FAM168A: variants seen among roughly 807,000 people sequenced by gnomAD.
The protein encoded by FAM168A is family with sequence similarity 168 member A.
Under a neutral mutation model 28.5 loss-of-function variants are expected in FAM168A, and 3 were observed. The observed-to-expected ratio is 0.11, with a 90% CI of 0.05 to 0.27. The LOEUF (loss-of-function observed/expected upper bound fraction) is 0.27. Ranked by LOEUF, FAM168A falls within the 10% of genes least tolerant of loss-of-function variation. The pLI, the probability that FAM168A is intolerant of heterozygous loss-of-function variation, is 1.00. For synonymous variants in FAM168A, 122 were observed against 124.2 expected, an observed-to-expected ratio of 0.98 and a Z score of 0.12; for missense variants, 222 against 311.5, an observed-to-expected ratio of 0.71 and a Z score of 2.16.
chr11:73,502,572 G>A (rs1855029677), intron 1 of FAM168A, among the ~76,000 whole-genome samples: 1 of 152,172 alleles, frequency 6.6e-6, no homozygotes, highest in African/African-American at 2.4e-5. Context: ...AGTACAAAGA[G>A]GAGCTGGTAC....
rs537667120 is a variant in FAM168A, at chr11:73,408,719, T to C, written c.595+768A>G. Among the ~76,000 whole-genome samples the C allele has an allele frequency of 7.4e-5, 11 of 148,608 alleles. No individual in the cohort carries two copies. The South Asian group carries it at 2.3e-3, about 31-fold the overall frequency. ...CACTTGAGCCCAAGCAGATCAAGAC[T>C]GCAGTAGGCCAAGATCGTGCCACTG... On this transcript the variant is annotated intron_variant, in intron 6 of 7. Transcript: ENST00000356467.
chr11:73,465,910 T>C (rs1192596908), intron 2 of FAM168A, among the ~76,000 whole-genome samples: 1 of 152,020 alleles, frequency 6.6e-6, no homozygotes, highest in Admixed American at 6.6e-5. Context: ...TTCTGTAAAA[T>C]ACTGAGCTCA....
intron 4 of FAM168A, among the ~76,000 whole-genome samples, chr11:73,415,327 T>C (rs1234795615): frequency 6.6e-6 from 1 of 152,176 alleles, no homozygotes; most frequent in African/African-American, 2.4e-5. Flanking sequence ...GATGAGATAA[T>C]GAGTAGTTGC....
intron 1 of FAM168A, among the ~76,000 whole-genome samples, chr11:73,476,881 G>A (rs1054219599): frequency 2.6e-5 from 4 of 151,906 alleles, no homozygotes; most frequent in African/African-American, 9.7e-5. Context: ...AGCAATAGAA[G>A]TTATACAATC....
intron 1 of FAM168A, among the ~76,000 whole-genome samples, chr11:73,565,416 T>C (rs1395209873): frequency 2.0e-5 from 3 of 152,200 alleles, no homozygotes; most frequent in African/African-American, 7.2e-5. Context: ...TTTATGCTCA[T>C]TGAGACAGGA....
chr11:73,425,089 T>A, intron 3 of FAM168A: 1 of 1,467,462 alleles, frequency 6.8e-7, no homozygotes. Context: ...CACTAAGAAT[T>A]TGTGCAAAGT....
intron 1 of FAM168A, among the ~76,000 whole-genome samples, chr11:73,596,731 T>C (rs1476222138): frequency 6.6e-6 from 1 of 151,798 alleles, no homozygotes; most frequent in Non-Finnish European, 1.5e-5. Flanking sequence ...TCCAACCCAA[T>C]TCCCCCCTGC....
chr11:73,426,594 G>A (rs574575422), intron 3 of FAM168A, among the ~76,000 whole-genome samples: 1 of 152,236 alleles, frequency 6.6e-6, no homozygotes, highest in African/African-American at 2.4e-5. Context: ...CTTCTCCATG[G>A]TAGGAAGTCC....
chr11:73,495,303 T>C (rs576340546), intron 1 of FAM168A, among the ~76,000 whole-genome samples: 1 of 152,320 alleles, frequency 6.6e-6, no homozygotes, highest in Admixed American at 6.5e-5. Flanking sequence ...CACTCCAGCC[T>C]GGGCGACAGA....
At chr11:73,571,460 C>T (rs1243206562) in intron 1 of FAM168A, among the ~76,000 whole-genome samples, 3 of 151,926 alleles carry the variant, frequency 2.0e-5, no homozygotes, top group African/African-American at 7.3e-5. Flanking sequence ...GTTGGCCGGG[C>T]TGGTCTCCAG....
intron 1 of FAM168A, among the ~76,000 whole-genome samples, chr11:73,484,716 A>C (rs1474423142): frequency 2.8e-5 from 4 of 145,054 alleles, no homozygotes; most frequent in African/African-American, 7.5e-5. Context: ...ATATAGATAT[A>C]TATATAGATA....
intron 1 of FAM168A, among the ~76,000 whole-genome samples, chr11:73,513,976 GA>G: frequency 6.6e-6 from 1 of 152,104 alleles, no homozygotes; most frequent in South Asian, 2.1e-4. Context: ...TTGAGCCCAG[GA>G]ATTTGAGACC....
At chr11:73,550,291 G>C (rs1943809912) in intron 1 of FAM168A, among the ~76,000 whole-genome samples, 1 of 152,180 alleles carries the variant, frequency 6.6e-6, no homozygotes, top group Non-Finnish European at 1.5e-5. Context: ...GAACCCAGTA[G>C]TGAAATGGAA....
chr11:73,534,527 C>T lies in FAM168A; in HGVS notation c.-19+63396G>A, dbSNP rs532481993. ...AAGCAATTCTCCTCCCTCAGCCTCC[C>T]GAGTAACTGGGATTACAGGAGCCCA... On this transcript the variant is annotated intron_variant, in intron 1 of 7. Coordinates refer to ENST00000356467, the MANE Select transcript of FAM168A (RefSeq NM_015159.3). Among the ~76,000 whole-genome samples, 48 of 152,082 alleles carry T rather than the reference C, an allele frequency of 3.2e-4. No homozygotes were observed. In the East Asian group the frequency reaches 8.3e-3, roughly 26 times the overall value.
intron 1 of FAM168A, among the ~76,000 whole-genome samples, chr11:73,523,053 T>C (rs1943404887): frequency 6.6e-6 from 1 of 151,484 alleles, no homozygotes; most frequent in African/African-American, 2.4e-5. Flanking sequence ...ACACACACAA[T>C]GAGAGGAGGG....
At chr11:73,537,974 C>G (rs1943603194) in intron 1 of FAM168A, among the ~76,000 whole-genome samples, 1 of 152,134 alleles carries the variant, frequency 6.6e-6, no homozygotes, top group South Asian at 2.1e-4. Flanking sequence ...TTAATGAGCA[C>G]CAACTTAACA....
At chr11:73,461,856 A>C (rs562698580) in intron 2 of FAM168A, among the ~76,000 whole-genome samples, 1 of 152,368 alleles carries the variant, frequency 6.6e-6, no homozygotes, top group Non-Finnish European at 1.5e-5. Flanking sequence ...GTGGAAAGAT[A>C]GGGAAGAAAA....
At chr11:73,575,652 C>T (rs1944162984) in intron 1 of FAM168A, among the ~76,000 whole-genome samples, 1 of 152,024 alleles carries the variant, frequency 6.6e-6, no homozygotes, top group Non-Finnish European at 1.5e-5. Context: ...AGTGGATCAC[C>T]TGAGGTCAGG....
At chr11:73,579,932 T>C (rs1376461520) in intron 1 of FAM168A, among the ~76,000 whole-genome samples, 1 of 152,198 alleles carries the variant, frequency 6.6e-6, no homozygotes, top group Non-Finnish European at 1.5e-5. Context: ...TTAGGTACCT[T>C]AAGCAGTATC....
Sources: gnomAD v4.1 joint callset for allele counts (sites outside exome capture counted in the v4.1 genomes callset) on GRCh38, gnomAD v4.1.1 for gene constraint, MANE v1.5 for transcripts, NCBI Gene and HGNC (gene_info 2026-07-23, HGNC 2026-07-21) for gene names.